Variants in USP6NL observed in about 807,000 individuals in gnomAD.
USP6NL encodes the protein USP6 N-terminal like, also known as USP6 N-terminal-like protein.
A neutral mutation model predicts 61.9 loss-of-function variants in USP6NL; 26 were observed. The ratio of observed to expected loss-of-function variants is 0.42; its 90% CI spans 0.31 to 0.58. USP6NL has a LOEUF of 0.58. USP6NL is among the 20% of genes least tolerant of loss of function. The probability of loss-of-function intolerance (pLI) is 0.16; values close to 1 mark genes in which losing one functional copy is unlikely to be tolerated. For synonymous variants in USP6NL, 432 were observed against 390.1 expected, an observed-to-expected ratio of 1.11 and a Z score of -1.27; for missense variants, 1,114 against 1,034.3, an observed-to-expected ratio of 1.08 and a Z score of -1.06.
rs142349415 is a variant in USP6NL, at chr10:11,562,456, C to A, written c.5-34889G>T. On this transcript the variant is annotated intron_variant, in intron 2 of 14. Transcript: ENST00000609104. This position sits in a 1 kb window ranked among gnomAD's most constrained non-coding sequence, Gnocchi z 4.8. ...AAGGATGAAGACGCAGCAGTCATCA[C>A]GTATCTCTGAGGACAAGGATTAAGT... 1 of 985,184 alleles carries A rather than the reference C, an allele frequency of 1.0e-6. No individual in the cohort carries two copies. Among genetic ancestry groups the A allele is most frequent in the Non-Finnish European group, 1.2e-6 (1 of 829,930 alleles). 61.0% of individuals were successfully genotyped at this position (985,184 alleles called of 1,614,324 possible).
chr10:11,582,245 C>T (rs1007134903), intron 2 of USP6NL, among the ~76,000 whole-genome samples: 2 of 152,172 alleles, frequency 1.3e-5, no homozygotes, highest in Admixed American at 6.5e-5. Flanking sequence ...GGATTACAGG[C>T]GTAAGCAACC....
chr10:11,512,706 C>T (rs1340123223), intron 5 of USP6NL, among the ~76,000 whole-genome samples: 2 of 152,190 alleles, frequency 1.3e-5, no homozygotes, highest in East Asian at 3.8e-4. Flanking sequence ...TCCTATTTGT[C>T]TGCCTGTCAT....
At chr10:11,543,415 G>A (rs185661649) in intron 2 of USP6NL, among the ~76,000 whole-genome samples, 3 of 152,122 alleles carry the variant, frequency 2.0e-5, no homozygotes, top group Admixed American at 6.5e-5. Context: ...GGTGGCAGGC[G>A]CCTGTACTCC....
chr10:11,571,521 T>C (rs1837360312), intron 2 of USP6NL, among the ~76,000 whole-genome samples: 2 of 152,182 alleles, frequency 1.3e-5, no homozygotes, highest in Admixed American at 1.3e-4. Flanking sequence ...TTGATACTTC[T>C]AGGATAATTT....
In USP6NL at chr10:11,490,923, C is replaced by A; in HGVS notation, c.495-43G>T. On this transcript the variant is annotated intron_variant, in intron 8 of 14. Coordinates refer to ENST00000609104, the MANE Select transcript of USP6NL (RefSeq NM_014688.5). The surrounding 1 kb of genome is among the most constrained non-coding windows in gnomAD (Gnocchi z 4.5). The stretch of plus-strand genomic sequence containing the variant: ...CATTAAATACAATTTAGTAATTTCA[C>A]ATATTTTAAAAATTACAAACTTAAA... The A allele has an allele frequency of 6.8e-7, 1 of 1,472,338 alleles. No individual in the cohort carries two copies. Among genetic ancestry groups the A allele is most frequent in the Non-Finnish European group, 9.1e-7 (1 of 1,100,196 alleles). The allele number at this position is 1,472,338 out of a possible 1,614,324, so 91.2% of individuals were successfully genotyped here. A position where few individuals can be genotyped will look rare whatever the true frequency, so the allele number is the denominator to read the frequency against.
At chr10:11,556,977 C>T (rs536628386) in intron 2 of USP6NL, among the ~76,000 whole-genome samples, 1 of 152,098 alleles carries the variant, frequency 6.6e-6, no homozygotes, top group Non-Finnish European at 1.5e-5. Context: ...AGATGAAAAG[C>T]CCACTGACCA....
chr10:11,577,724 C>A (rs1047904392), intron 2 of USP6NL, among the ~76,000 whole-genome samples: 1 of 151,742 alleles, frequency 6.6e-6, no homozygotes, highest in Non-Finnish European at 1.5e-5. Flanking sequence ...TGGTCTCGAA[C>A]TCCTGACCTC....
intron 2 of USP6NL, among the ~76,000 whole-genome samples, chr10:11,551,975 T>C (rs1000688128): frequency 6.6e-6 from 1 of 152,208 alleles, no homozygotes; most frequent in African/African-American, 2.4e-5. Flanking sequence ...CATACCTAAA[T>C]AGCAGGTGCA....
chr10:11,521,273 G>C (rs1451971549), intron 4 of USP6NL, among the ~76,000 whole-genome samples: 1 of 148,702 alleles, frequency 6.7e-6, no homozygotes, highest in East Asian at 1.9e-4. Context: ...TTGGTAGAAA[G>C]AGTTCTCAAG....
intron 2 of USP6NL, among the ~76,000 whole-genome samples, chr10:11,560,812 T>C (rs1457858512): frequency 1.3e-5 from 2 of 151,194 alleles, no homozygotes; most frequent in Non-Finnish European, 3.0e-5. Context: ...ATTTATCCTA[T>C]TGTTATTAAG....
At chr10:11,529,689 C>T (rs1169011599) in intron 2 of USP6NL, among the ~76,000 whole-genome samples, 1 of 152,210 alleles carries the variant, frequency 6.6e-6, no homozygotes, top group African/African-American at 2.4e-5. Flanking sequence ...CTGAGATAAT[C>T]AACTCAATGA....
intron 14 of USP6NL, among the ~76,000 whole-genome samples, chr10:11,473,439 C>A (rs1383137020): frequency 6.6e-6 from 1 of 152,084 alleles, no homozygotes; most frequent in African/African-American, 2.4e-5. Context: ...TTTGGGGAGG[C>A]CAGGCACCGG....
chr10:11,467,531 AG>A (rs769556499), intron 14 of USP6NL, among the ~76,000 whole-genome samples: 1 of 152,242 alleles, frequency 6.6e-6, no homozygotes, highest in Non-Finnish European at 1.5e-5. Flanking sequence ...CTCAGCATAG[AG>A]GATTTGTGAA....
chr10:11,518,244 G>A lies in USP6NL; in HGVS notation c.195+291C>T, dbSNP rs1835040295. Among the ~76,000 whole-genome samples, 1 of 152,168 alleles carries A rather than the reference G, an allele frequency of 6.6e-6. No individual in the cohort carries two copies. Among genetic ancestry groups the A allele is most frequent in the Non-Finnish European group, 1.5e-5 (1 of 68,038 alleles). On this transcript the variant is annotated intron_variant, in intron 5 of 14. Coordinates refer to ENST00000609104, the MANE Select transcript of USP6NL (RefSeq NM_014688.5). This position sits in a 1 kb window ranked among gnomAD's most constrained non-coding sequence, Gnocchi z 5.3. ...AGAGGCTGATTTCACAGACTGAGGTGGGAGCTGGGCAGCTGTGCTCTCAAA... is the reference window on the plus strand; with the variant it reads ...AGAGGCTGATTTCACAGACTGAGGTAGGAGCTGGGCAGCTGTGCTCTCAAA...
chr10:11,502,124 T>C (rs1354890169), intron 6 of USP6NL, among the ~76,000 whole-genome samples: 1 of 151,868 alleles, frequency 6.6e-6, no homozygotes, highest in Non-Finnish European at 1.5e-5. Flanking sequence ...CCGGGCATGG[T>C]GGTGGGTGCC....
chr10:11,494,745 C>CA (rs1566134063), intron 7 of USP6NL, among the ~76,000 whole-genome samples: 1 of 137,506 alleles, frequency 7.3e-6, no homozygotes, highest in Non-Finnish European at 1.6e-5. Flanking sequence ...GAGAGGGAGA[C>CA]AGAGAGACAG....
In USP6NL at chr10:11,525,510, A is replaced by T. The variant is rs748827869; in HGVS notation, c.73-42T>A. ...AAAAAGGTGTTAATCAGAGTTTATA[A>T]AACTGAATAATTTTTTAAAATAAAA... On this transcript the variant is annotated intron_variant, in intron 3 of 14. Transcript: ENST00000609104. This position sits in a 1 kb window ranked among gnomAD's most constrained non-coding sequence, Gnocchi z 5.0. The T allele has an allele frequency of 2.7e-6, 4 of 1,476,964 alleles. No individual in the cohort carries two copies. The East Asian group carries it at 9.9e-5, about 37-fold the overall frequency. The allele number at this position is 1,476,964 out of a possible 1,614,324, so 91.5% of individuals were successfully genotyped here. A position where few individuals can be genotyped will look rare whatever the true frequency, so the allele number is the denominator to read the frequency against.
chr10:11,567,386 T>A (rs1837201537), intron 2 of USP6NL, among the ~76,000 whole-genome samples: 1 of 152,210 alleles, frequency 6.6e-6, no homozygotes, highest in South Asian at 2.1e-4. Flanking sequence ...GACTCATTTT[T>A]CTTTAAAACA....
Position 11,460,606 on chromosome 10 carries a change from G to GTATATATATATTTTTTGCATATATATATA in USP6NL, c.*1806_*1834dup, listed in dbSNP as rs2096210542. 7.3e-6 allele frequency: 1 copy of GTATATATATATTTTTTGCATATATATATA among 136,628 alleles called. No individual in the cohort carries two copies. Among genetic ancestry groups the GTATATATATATTTTTTGCATATATATATA allele is most frequent in the Non-Finnish European group, 1.5e-5 (1 of 64,542 alleles). 8.5% of individuals were successfully genotyped at this position (136,628 alleles called of 1,614,324 possible). ...TGACATAAGAAAATAGTGCTTGTGT[G>GTATATATATATTTTTTGCATATATATATA]TATATATATATTTTTTGCATATATA... On this transcript the variant is annotated 3_prime_UTR_variant, in exon 15 of 15. Transcript: ENST00000609104.
Sources: allele counts gnomAD v4.1 joint callset (sites outside exome capture counted in the v4.1 genomes callset), GRCh38; gene constraint gnomAD v4.1.1; non-coding constraint Gnocchi (gnomAD v3.1); transcripts MANE v1.5; gene names NCBI Gene and HGNC (gene_info 2026-07-23, HGNC 2026-07-21).